The following ADAMTS12 variants were observed in gnomAD, a reference collection of about 807,000 sequenced individuals.
ADAMTS12 encodes the protein A disintegrin and metalloproteinase with thrombospondin motifs 12.
A neutral mutation model predicts 167.8 loss-of-function variants in ADAMTS12; 118 were observed. The ratio of observed to expected loss-of-function variants is 0.70; its 90% CI spans 0.61 to 0.82. The LOEUF is 0.82. ADAMTS12 is among the 40% of genes least tolerant of loss of function. The pLI is 0.00. For synonymous variants in ADAMTS12, 704 were observed against 716.9 expected (o/e 0.98, Z 0.29); for missense variants, 1,916 against 1,998.8 (o/e 0.96, Z 0.79).
intron 19 of ADAMTS12, among the ~76,000 whole-genome samples, chr5:33,569,241 C>A (rs4490582): frequency 0.38 from 58,160 of 152,120 alleles, 11,553 homozygotes; most frequent in South Asian, 0.48. Context: ...TGAAGAGAGC[C>A]GTCGTTCTCC....
At chr5:33,704,254 G>A (rs1486153510) in intron 3 of ADAMTS12, among the ~76,000 whole-genome samples, 2 of 152,008 alleles carry the variant, frequency 1.3e-5, no homozygotes, top group African/African-American at 2.4e-5. Context: ...TCTATTGATG[G>A]AAATTCAGAT....
intron 2 of ADAMTS12, among the ~76,000 whole-genome samples, chr5:33,767,731 G>A (rs1232818059): frequency 6.6e-6 from 1 of 152,054 alleles, no homozygotes; most frequent in African/African-American, 2.4e-5. Context: ...AGGTCCCCAG[G>A]TAAAGCGGCT....
At chr5:33,724,712 C>T (rs1006062068) in intron 3 of ADAMTS12, among the ~76,000 whole-genome samples, 1 of 151,980 alleles carries the variant, frequency 6.6e-6, no homozygotes, top group Admixed American at 6.5e-5. Context: ...CCACCGTGCC[C>T]GGCTAATTTT....
intron 2 of ADAMTS12, among the ~76,000 whole-genome samples, chr5:33,847,768 G>T (rs1749003041): frequency 6.6e-6 from 1 of 152,194 alleles, no homozygotes; most frequent in East Asian, 1.9e-4. Context: ...GAGGGCCTTG[G>T]AGAGGCTCAG....
At chr5:33,799,468 G>A (rs1746910625) in intron 2 of ADAMTS12, among the ~76,000 whole-genome samples, 1 of 152,126 alleles carries the variant, frequency 6.6e-6, no homozygotes, top group African/African-American at 2.4e-5. Flanking sequence ...TTCAGACTCT[G>A]CAACTGCCTG....
In ADAMTS12 at chr5:33,799,175, A is replaced by C. The variant is rs950832742; in HGVS notation, c.490-47627T>G. On this transcript the variant is annotated intron_variant, in intron 2 of 23. Transcript: ENST00000504830. ...TGGGCATGTGTGCTCCAGAAGCAGC[A>C]CTAGAACCCTTGGGAAGTCAATGTC... 7.9e-5 allele frequency among the ~76,000 whole-genome samples: 12 copies of C among 152,326 alleles called. 1 individual carries two copies. The highest frequency in any genetic ancestry group is 1.9e-4 in the East Asian group (1 of 5,184).
At chr5:33,549,509 C>G in intron 20 of ADAMTS12, 126 bp from the exon 21 acceptor site, 1 of 1,124,630 alleles carries the variant, frequency 8.9e-7, no homozygotes, top group South Asian at 1.5e-5. Context: ...TTCCGGTGAA[C>G]CCTGCTTTCC....
At chr5:33,874,831 A>C (rs1297633207) in intron 2 of ADAMTS12, among the ~76,000 whole-genome samples, 1 of 152,140 alleles carries the variant, frequency 6.6e-6, no homozygotes, top group African/African-American at 2.4e-5. Context: ...GCACTTTGGG[A>C]GGCTGAGGTG....
chr5:33,569,913 A>G (rs1402150768), intron 19 of ADAMTS12, among the ~76,000 whole-genome samples: 1 of 152,278 alleles, frequency 6.6e-6, no homozygotes, highest in Non-Finnish European at 1.5e-5. Flanking sequence ...GAGCTGATGG[A>G]GCTGAAAGCC....
intron 22 of ADAMTS12, among the ~76,000 whole-genome samples, chr5:33,539,660 A>G (rs1054944681): frequency 1.3e-5 from 2 of 152,246 alleles, no homozygotes; most frequent in Non-Finnish European, 2.9e-5. Context: ...AAGAACACGA[A>G]AACCGAAGTA....
intron 5 of ADAMTS12, 129 bp from the exon 6 acceptor site, chr5:33,662,169 G>T: frequency 8.1e-7 from 1 of 1,235,260 alleles, no homozygotes; most frequent in Non-Finnish European, 1.1e-6. Flanking sequence ...ACATTTGGCA[G>T]TCATGTGGCA....
At chr5:33,631,924 C>A (rs943587768) in intron 12 of ADAMTS12, among the ~76,000 whole-genome samples, 1 of 152,204 alleles carries the variant, frequency 6.6e-6, no homozygotes, top group East Asian at 1.9e-4. Flanking sequence ...TCGTCATGGG[C>A]CCTTCTCACT....
intron 17 of ADAMTS12, among the ~76,000 whole-genome samples, chr5:33,590,146 A>C (rs2112014580): frequency 6.6e-6 from 1 of 152,364 alleles, no homozygotes; most frequent in Non-Finnish European, 1.5e-5. Flanking sequence ...GGGAATATAT[A>C]AAATGCCATT....
chr5:33,736,067 TTTC>T (rs1345145328), intron 3 of ADAMTS12, among the ~76,000 whole-genome samples: 1 of 151,478 alleles, frequency 6.6e-6, no homozygotes, highest in African/African-American at 2.4e-5. Context: ...GTTTTTTTTT[TTTC>T]TTTTTTTTTG....
chr5:33,775,221 C>T (rs1251787829), intron 2 of ADAMTS12, among the ~76,000 whole-genome samples: 1 of 152,088 alleles, frequency 6.6e-6, no homozygotes, highest in African/African-American at 2.4e-5. Context: ...GGGCTTTGAG[C>T]CCTGTAAAAA....
chr5:33,561,638 AG>A (rs1745754120), intron 19 of ADAMTS12, among the ~76,000 whole-genome samples: 1 of 152,144 alleles, frequency 6.6e-6, no homozygotes, highest in Non-Finnish European at 1.5e-5. Context: ...AAAATTAGCC[AG>A]GTGTGGTGGT....
rs144495288 is a variant in ADAMTS12 at position 33,865,445 on chromosome 5, C to T, written c.489+15674G>A. On this transcript the variant is annotated intron_variant, in intron 2 of 23. Transcript: ENST00000504830. ...CTTTATGATAAAAACCCTCAACAAA[C>T]GAGGCATAGAATGGACATACCTCAA... Among the ~76,000 whole-genome samples, 762 of 152,100 alleles carry T rather than the reference C, an allele frequency of 5.0e-3. 6 individuals carry two copies. Among genetic ancestry groups the T allele is most frequent in the African/African-American group, 0.018 (735 of 41,502 alleles).
intron 16 of ADAMTS12, among the ~76,000 whole-genome samples, chr5:33,608,388 CTAA>C (rs1738554250): frequency 6.6e-6 from 1 of 152,134 alleles, no homozygotes; most frequent in South Asian, 2.1e-4. Context: ...AAAAACCAAG[CTAA>C]TAAGATTTTA....
intron 2 of ADAMTS12, among the ~76,000 whole-genome samples, chr5:33,821,104 T>C (rs1747850917): frequency 6.6e-6 from 1 of 152,148 alleles, no homozygotes; most frequent in South Asian, 2.1e-4. Context: ...AAACCTGCAC[T>C]TGTACCACAG....
Sources: allele counts gnomAD v4.1 joint callset (sites outside exome capture counted in the v4.1 genomes callset), GRCh38; gene constraint gnomAD v4.1.1; transcripts MANE v1.5; gene names NCBI Gene and HGNC (gene_info 2026-07-23, HGNC 2026-07-21).